TRPM5: variants seen among roughly 807,000 people sequenced by gnomAD.
TRPM5 encodes the protein transient receptor potential cation channel subfamily M member 5, also known as MLSN1 and TRP-related.
TRPM5 carries 121 observed loss-of-function variants against 124.9 expected under a neutral mutation model. That is an observed-to-expected ratio of 0.97 (90% CI 0.84 to 1.13). The LOEUF is 1.13. TRPM5 is among the 50% of genes most tolerant of loss of function. The pLI, the probability that TRPM5 is intolerant of heterozygous loss-of-function variation, is 0.00. For synonymous variants in TRPM5, 781 were observed against 700.5 expected, an observed-to-expected ratio of 1.11 and a Z score of -1.81; for missense variants, 1,643 against 1,589.1, an observed-to-expected ratio of 1.03 and a Z score of -0.58.
At chr11:2,406,626 C>G in intron 21 of TRPM5, 35 bp downstream of exon 26, 1 of 1,571,850 alleles carries the variant, frequency 6.4e-7, no homozygotes, top group Non-Finnish European at 8.6e-7. Context: ...AAAGACAGCC[C>G]GATACCCACC....
the TRPM5 span, among the ~76,000 whole-genome samples, chr11:2,430,694 GGAGGCGGTGTTGGTGT>G: frequency 6.6e-6 from 1 of 150,634 alleles, no homozygotes; most frequent in African/African-American, 2.4e-5. Context: ...TGGTGGTGAT[GGAGGCGGTGTTGGTGT>G]TGGTGGTGGT....
the TRPM5 span, among the ~76,000 whole-genome samples, chr11:2,432,160 C>T: frequency 6.6e-6 from 1 of 152,230 alleles, no homozygotes; most frequent in African/African-American, 2.4e-5. Flanking sequence ...GGCACTGCTG[C>T]CAGGGGAGGA....
exon 24 of TRPM5, chr11:2,404,920 G>C (rs370051580): frequency 6.2e-7 from 1 of 1,605,306 alleles, no homozygotes; most frequent in Non-Finnish European, 8.5e-7. Flanking sequence ...GGCCCCACAC[G>C]TGGCAGGCCA....
the TRPM5 span, among the ~76,000 whole-genome samples, chr11:2,438,246 G>T: frequency 5.3e-5 from 8 of 152,152 alleles, no homozygotes; most frequent in African/African-American, 1.9e-4. This position sits in a 1 kb window ranked among gnomAD's most constrained non-coding sequence, Gnocchi z 5.9. Flanking sequence ...ACGGGCAAAA[G>T]CTGGCAAAAG....
At chr11:2,432,520 C>A in the TRPM5 span, among the ~76,000 whole-genome samples, 1 of 152,218 alleles carries the variant, frequency 6.6e-6, no homozygotes, top group South Asian at 2.1e-4. Flanking sequence ...CAGAAGCTGA[C>A]CCCAGTGTCC....
the TRPM5 span, among the ~76,000 whole-genome samples, chr11:2,430,085 T>C: frequency 5.3e-5 from 8 of 152,238 alleles, no homozygotes; most frequent in Non-Finnish European, 7.4e-5. Context: ...CCCAGCCAAC[T>C]CTGGTTCAGT....
chr11:2,430,107 T>C, the TRPM5 span, among the ~76,000 whole-genome samples: 1 of 152,172 alleles, frequency 6.6e-6, no homozygotes, highest in African/African-American at 2.4e-5. Context: ...CCAGGTCATG[T>C]TCCTCCCCGC....
chr11:2,406,676 C>T lies in TRPM5; in HGVS notation c.3236G>A (p.Arg1079Gln), dbSNP rs148532424. Residue 1079 changes from arginine to glutamine, a missense_variant, in exon 21 of 24, where the codon CGG becomes CAG. Arg to Gln is a conservative substitution (Grantham distance 43). Transcript: ENST00000155858. ...GCCCCCGCACCTGTGGGCGGTTTTC[C>T]GCAGCACCTCCCCCTCGCTGTCCCT... The T allele has an allele frequency of 3.9e-5, 63 of 1,611,442 alleles. No individual in the cohort carries two copies. The highest frequency in any genetic ancestry group is 6.7e-5 in the Admixed American group (4 of 59,864).
chr11:2,408,701 G>A (rs1374747906), intron 18 of TRPM5, among the ~76,000 whole-genome samples: 2 of 152,202 alleles, frequency 1.3e-5, no homozygotes, highest in African/African-American at 2.4e-5. Context: ...CCCAGCCTGC[G>A]GGGCAGGAGG....
At chr11:2,405,139 C>A in intron 23 of TRPM5, 96 bp from the exon 29 acceptor site, 1 of 1,050,844 alleles carries the variant, frequency 9.5e-7, no homozygotes, top group Non-Finnish European at 1.4e-6. Context: ...GCCAGGACGC[C>A]GTGGCTCTCA....
chr11:2,413,105 T>G, intron 14 of TRPM5, 29 bp downstream of exon 19: 1 of 1,551,056 alleles, frequency 6.4e-7, no homozygotes, highest in Non-Finnish European at 8.7e-7. Context: ...GCCAGTCCCC[T>G]CCACCCTGCC....
chr11:2,424,695 C>T (rs116611264), upstream of TRPM5, among the ~76,000 whole-genome samples: 4,942 of 152,318 alleles, frequency 0.032, 232 homozygotes, highest in African/African-American at 0.11. Context: ...GGATCCCCCT[C>T]GAGGGCTTGG....
chr11:2,421,775 C>G (rs897747340), intron 2 of TRPM5, among the ~76,000 whole-genome samples: 3 of 152,188 alleles, frequency 2.0e-5, no homozygotes, highest in African/African-American at 7.2e-5. Context: ...GCTCTGGTCC[C>G]AGGTGAGTGG....
the TRPM5 span, among the ~76,000 whole-genome samples, chr11:2,441,021 C>G: frequency 6.6e-6 from 1 of 152,214 alleles, no homozygotes; most frequent in Admixed American, 6.5e-5. This position sits in a 1 kb window ranked among gnomAD's most constrained non-coding sequence, Gnocchi z 7.2. Context: ...TGTCGGCAAA[C>G]AGCCCTGGAA....
exon 18 of TRPM5, chr11:2,411,436 C>T (rs34364959): frequency 0.085 from 136,846 of 1,612,000 alleles, 6,331 homozygotes; most frequent in Non-Finnish European, 0.095. Flanking sequence ...TCCAGGCGGC[C>T]GTCATGGGGG....
intron 1 of TRPM5, 21 bp downstream of exon 6, chr11:2,422,899 A>G: frequency 6.2e-7 from 1 of 1,601,112 alleles, no homozygotes; most frequent in Admixed American, 1.7e-5. Flanking sequence ...ACATCACCTG[A>G]GGCCTGGGGC....
rs148442419 is a variant in TRPM5 at position 2,411,755 on chromosome 11, C to T, written c.2487G>A (p.Ser829=). Reference sequence around the variant, plus strand: ...GGACTGTGCGGCCAGCCTCAAACGCCGACGGCAGCATCCTGGAGGATGGGA... The same window carrying T: ...GGACTGTGCGGCCAGCCTCAAACGCTGACGGCAGCATCCTGGAGGATGGGA... Residue 829 remains serine (S), a synonymous_variant, in exon 17 of 24, where the codon TCG becomes TCA. Transcript: ENST00000155858. 1,071 of 1,612,502 alleles carry T rather than the reference C, an allele frequency of 6.6e-4. 11 individuals carry two copies. In the South Asian group the frequency reaches 7.1e-3, roughly 11 times the overall value.
At chr11:2,427,938 G>C (rs892827779), upstream of TRPM5, among the ~76,000 whole-genome samples, 2 of 152,210 alleles carry the variant, frequency 1.3e-5, no homozygotes, top group African/African-American at 4.8e-5. Flanking sequence ...CGGCCCCCAT[G>C]GTGTCTCATC....
chr11:2,430,116 G>A, the TRPM5 span, among the ~76,000 whole-genome samples: 550 of 152,116 alleles, frequency 3.6e-3, 6 homozygotes, highest in African/African-American at 8.8e-3. Flanking sequence ...GTTCCTCCCC[G>A]CCTACAACCT....
Sources: allele counts gnomAD v4.1 joint callset (sites outside exome capture counted in the v4.1 genomes callset), GRCh38; gene constraint gnomAD v4.1.1; non-coding constraint Gnocchi (gnomAD v3.1); transcripts MANE v1.5; gene names NCBI Gene and HGNC (gene_info 2026-07-23, HGNC 2026-07-21).